Variants in CTSC observed in about 807,000 individuals in gnomAD.
CTSC encodes the protein dipeptidyl peptidase 1.
In CTSC, 37 loss-of-function variants were observed where a neutral mutation model predicts 40.9. The observed-to-expected ratio is 0.91, with a 90% CI of 0.70 to 1.19. The LOEUF (loss-of-function observed/expected upper bound fraction) is 1.19, where lower values mean the gene tolerates loss of function less well. CTSC is among the 50% of genes most tolerant of loss of function. CTSC has a pLI of 0.00. For missense variants in CTSC, 594 were observed against 567.3 expected, an observed-to-expected ratio of 1.05 and a Z score of -0.48; for synonymous variants, 232 against 207.4, an observed-to-expected ratio of 1.12 and a Z score of -1.02.
rs1944271355 is a variant in CTSC at position 88,294,100 on chromosome 11, C to T, written c.1298G>A (p.Trp433Ter). The T allele has an allele frequency of 6.2e-7, 1 of 1,613,898 alleles. No individual in the cohort carries two copies. The highest frequency in any genetic ancestry group is 1.3e-5 in the African/African-American group (1 of 74,876). The change falls in exon 7 of 7, where the codon TGG (tryptophan) becomes TAG (stop). Residue 433 changes from tryptophan (W) to a stop codon, truncating the protein, a stop_gained. Coordinates refer to ENST00000227266, the MANE Select transcript of CTSC (RefSeq NM_001814.6). LOFTEE classifies it high-confidence loss of function. Reference sequence around the variant, plus strand: ...GATCCGGAAGTAGCCATTCTCACCCCAGCCGGTGCCCCAGCTGTTTTTAAC... The same window carrying T: ...GATCCGGAAGTAGCCATTCTCACCCTAGCCGGTGCCCCAGCTGTTTTTAAC... ...WIVKNSWGTGWGENGYFRIRR... is the reference protein window; with the variant it reads ...WIVKNSWGTG
intron 4 of CTSC, among the ~76,000 whole-genome samples, chr11:88,300,980 T>G (rs1448930809): frequency 6.6e-6 from 1 of 152,056 alleles, no homozygotes; most frequent in Non-Finnish European, 1.5e-5. Context: ...AAGAAAGAGA[T>G]GAGAAGTAGA....
intron 2 of CTSC, among the ~76,000 whole-genome samples, chr11:88,320,513 G>A (rs1234766412): frequency 6.6e-6 from 1 of 152,160 alleles, no homozygotes; most frequent in Non-Finnish European, 1.5e-5. Flanking sequence ...CAAAGCTTCG[G>A]TCCTCCAGGC....
chr11:88,323,004 C>T (rs1293833051), intron 2 of CTSC: 5 of 152,086 alleles, frequency 3.3e-5, no homozygotes, highest in South Asian at 2.1e-4. Context: ...TGATGAACTT[C>T]GACGCAAAAA....
At chr11:88,310,517 G>C (rs1937730175) in intron 3 of CTSC, among the ~76,000 whole-genome samples, 1 of 152,060 alleles carries the variant, frequency 6.6e-6, no homozygotes, top group Non-Finnish European at 1.5e-5. Context: ...GAACATTTTA[G>C]GCATACTGCA....
At chr11:88,300,501 T>A in intron 5 of CTSC, 29 bp downstream of exon 5, 1 of 1,383,642 alleles carries the variant, frequency 7.2e-7, no homozygotes, top group Non-Finnish European at 1.0e-6. Context: ...CCAAACAAAT[T>A]AACAAAAAAC....
intron 4 of CTSC, among the ~76,000 whole-genome samples, chr11:88,301,235 CT>C (rs2134772170): frequency 6.6e-6 from 1 of 152,200 alleles, no homozygotes; most frequent in South Asian, 2.1e-4. Context: ...TGTCACTTCA[CT>C]TCATCCTCTC....
At position 88,328,241 on chromosome 11, in the gene CTSC, T is replaced by A. The variant is rs775463856; in HGVS notation, c.318+6696A>T. 13 of 1,298,492 alleles carry A rather than the reference T, an allele frequency of 1.0e-5. No individual in the cohort carries two copies. In the East Asian group the frequency reaches 1.2e-4, roughly 12 times the overall value. 80.4% of individuals were successfully genotyped at this position (1,298,492 alleles called of 1,614,324 possible). ...GTAAACTGAGTCATTATGTTGAGAT[T>A]AAGCATCATCATGAAAGAAGACATA... On this transcript the variant is annotated intron_variant, in intron 2 of 6. Coordinates refer to ENST00000227266, the MANE Select transcript of CTSC (RefSeq NM_001814.6).
At chr11:88,313,901 C>T (rs1040942412) in intron 2 of CTSC, among the ~76,000 whole-genome samples, 3 of 152,196 alleles carry the variant, frequency 2.0e-5, no homozygotes, top group African/African-American at 7.2e-5. Context: ...GACCACTAGG[C>T]TTTGCAGGCC....
rs886048740 is a variant in CTSC at position 88,296,172 on chromosome 11, T to C, written c.850A>G (p.Ser284Gly). ...LTNNSQTPIL[S>G]PQEVVSCSQY... Reference sequence around the variant, plus strand: ...CTACAAGACACAACCTCCTGAGGGCTTAGGATTGGGGTCTGAGAATTGTTG... The same window carrying C: ...CTACAAGACACAACCTCCTGAGGGCCTAGGATTGGGGTCTGAGAATTGTTG... Residue 284 changes from serine (S) to glycine (G), a missense_variant, in exon 6 of 7, where the codon AGC becomes GGC. Coordinates refer to ENST00000227266, the MANE Select transcript of CTSC (RefSeq NM_001814.6). 1 of 1,614,012 alleles carries C rather than the reference T, an allele frequency of 6.2e-7. No homozygotes were observed.
At chr11:88,320,653 C>T (rs1338493995) in intron 2 of CTSC, among the ~76,000 whole-genome samples, 1 of 152,150 alleles carries the variant, frequency 6.6e-6, no homozygotes, top group Non-Finnish European at 1.5e-5. Context: ...TAGGCTTACA[C>T]AAGATTAAAA....
chr11:88,311,792 G>A (rs754284479), intron 3 of CTSC, among the ~76,000 whole-genome samples: 29 of 152,308 alleles, frequency 1.9e-4, no homozygotes, highest in Non-Finnish European at 3.5e-4. Flanking sequence ...AGAAAAGACT[G>A]TTTAGGAGCC....
At chr11:88,316,942 C>T (rs1003160428) in intron 2 of CTSC, among the ~76,000 whole-genome samples, 1 of 151,948 alleles carries the variant, frequency 6.6e-6, no homozygotes, top group Non-Finnish European at 1.5e-5. Flanking sequence ...TTTCTAATTG[C>T]AAATCCTTAT....
At chr11:88,299,409 G>A (rs1181621170) in intron 5 of CTSC, 2 of 152,016 alleles carry the variant, frequency 1.3e-5, no homozygotes, top group African/African-American at 2.4e-5. Context: ...AAGATTTCAG[G>A]ACCTATACTT....
At position 88,294,103 on chromosome 11, in the gene CTSC, C is replaced by T. The variant is rs1944271410; in HGVS notation, c.1295G>A (p.Gly432Asp). 2 of 1,613,934 alleles carry T rather than the reference C, an allele frequency of 1.2e-6. No homozygotes were observed. Among genetic ancestry groups the T allele is most frequent in the African/African-American group, 1.3e-5 (1 of 74,874 alleles). ...CCGGAAGTAGCCATTCTCACCCCAG[C>T]CGGTGCCCCAGCTGTTTTTAACAAT... Reference protein sequence around the residue: ...YWIVKNSWGTGWGENGYFRIR... With the variant: ...YWIVKNSWGTDWGENGYFRIR... The change falls in exon 7 of 7, where the codon GGC (glycine) becomes GAC (aspartate). Residue 432 changes from glycine (G) to aspartate (D), a missense_variant. By Grantham distance (94) the Gly-to-Asp change is moderately conservative. Transcript: ENST00000227266.
intron 2 of CTSC, among the ~76,000 whole-genome samples, chr11:88,331,690 G>C (rs1275425994): frequency 6.6e-6 from 1 of 152,068 alleles, no homozygotes; most frequent in African/African-American, 2.4e-5. Flanking sequence ...AATATAATTA[G>C]GTTATAAGGA....
At chr11:88,335,862 T>TC (rs1565267620) in intron 1 of CTSC, among the ~76,000 whole-genome samples, 2 of 152,210 alleles carry the variant, frequency 1.3e-5, no homozygotes, top group Non-Finnish European at 1.5e-5. Flanking sequence ...CAAAATGATC[T>TC]ATTCGGAGAA....
At chr11:88,316,555 A>C (rs1937883334) in intron 2 of CTSC, among the ~76,000 whole-genome samples, 1 of 152,190 alleles carries the variant, frequency 6.6e-6, no homozygotes, top group Non-Finnish European at 1.5e-5. Context: ...TGTTTTATGT[A>C]TACTAACTCA....
chr11:88,296,286 A>C, intron 5 of CTSC, 22 bp from the exon 6 acceptor site: 1 of 1,612,972 alleles, frequency 6.2e-7, no homozygotes, highest in Non-Finnish European at 8.5e-7. Flanking sequence ...AAAAAGACAC[A>C]TAATCCAAGA....
At chr11:88,331,637 G>C (rs1388115507) in intron 2 of CTSC, among the ~76,000 whole-genome samples, 1 of 152,050 alleles carries the variant, frequency 6.6e-6, no homozygotes, top group Non-Finnish European at 1.5e-5. Context: ...TTTATGGAGC[G>C]TTCATTGAAT....
Sources: allele counts gnomAD v4.1 joint callset (sites outside exome capture counted in the v4.1 genomes callset), GRCh38; gene constraint gnomAD v4.1.1; transcripts MANE v1.5; gene names NCBI Gene and HGNC (gene_info 2026-07-23, HGNC 2026-07-21).